FUT8: variants seen among roughly 807,000 people sequenced by gnomAD.
The protein encoded by FUT8 is alpha-(1,6)-fucosyltransferase.
In FUT8, 29 loss-of-function variants were observed where a neutral mutation model predicts 71.3. That is an observed-to-expected ratio of 0.41 (90% confidence interval 0.30 to 0.55). The LOEUF is 0.55. Ranked by LOEUF, FUT8 falls within the 20% of genes least tolerant of loss-of-function variation. FUT8 has a pLI of 0.34. For missense variants in FUT8, 544 were observed against 702.1 expected, an observed-to-expected ratio of 0.77 and a Z score of 2.55; for synonymous variants, 254 against 239.3, an observed-to-expected ratio of 1.06 and a Z score of -0.57.
chr14:65,613,990 C>T (rs376701439), intron 3 of FUT8, among the ~76,000 whole-genome samples: 11 of 151,736 alleles, frequency 7.2e-5, no homozygotes, highest in Admixed American at 5.3e-4. Flanking sequence ...GGTGCATTCC[C>T]GTAATCCCAT....
At chr14:65,632,732 C>G (rs1047387910) in intron 6 of FUT8, among the ~76,000 whole-genome samples, 3 of 152,224 alleles carry the variant, frequency 2.0e-5, no homozygotes, top group Non-Finnish European at 4.4e-5. Context: ...TACCTCTGAG[C>G]TATTTATCTT....
At chr14:65,506,198 A>G (rs1188650708) in intron 2 of FUT8, among the ~76,000 whole-genome samples, 1 of 152,242 alleles carries the variant, frequency 6.6e-6, no homozygotes, top group Non-Finnish European at 1.5e-5. Flanking sequence ...ATTAGACATT[A>G]TGTTTACCTT....
chr14:65,422,681 A>AT (rs957553970), intron 1 of FUT8, among the ~76,000 whole-genome samples: 15 of 151,506 alleles, frequency 9.9e-5, no homozygotes, highest in Admixed American at 2.6e-4. Flanking sequence ...AATATTTTTT[A>AT]TTTTTTTGTA....
intron 3 of FUT8, among the ~76,000 whole-genome samples, chr14:65,569,256 A>T (rs556693269): frequency 1.3e-5 from 2 of 151,794 alleles, no homozygotes; most frequent in Admixed American, 6.6e-5. Context: ...GTATTTTATC[A>T]ATTTTGGAAA....
the FUT8 span, among the ~76,000 whole-genome samples, chr14:65,361,496 A>T: frequency 6.1e-5 from 9 of 148,038 alleles, no homozygotes; most frequent in South Asian, 1.9e-3. Context: ...TTACATTAAA[A>T]ATAGACTATG....
chr14:65,439,878 G>T (rs1170365107), intron 1 of FUT8, among the ~76,000 whole-genome samples: 2 of 147,232 alleles, frequency 1.4e-5, no homozygotes, highest in African/African-American at 2.5e-5. Flanking sequence ...AGCATTATTT[G>T]CCATAGCTAA....
Position 65,669,470 on chromosome 14 carries a change from A to C in FUT8, c.825A>C (p.Gly275=). Reference sequence around the variant, plus strand: ...CAGACAGATCTGGCATCTCCACTGGACACTGGTCAGGTAAGGAGCTTGTGC... The same window carrying C: ...CAGACAGATCTGGCATCTCCACTGGCCACTGGTCAGGTAAGGAGCTTGTGC... ...TCTDRSGIST[G]HWSGEVKDKN... Residue 275 remains glycine, a synonymous_variant, in exon 7 of 11, where the codon GGA becomes GGC. Coordinates refer to ENST00000673929, the MANE Select transcript of FUT8 (RefSeq NM_001371533.1). This position sits in a 1 kb window ranked among gnomAD's most constrained non-coding sequence, Gnocchi z 4.5. 6.2e-7 allele frequency: 1 copy of C among 1,611,240 alleles called. No homozygotes were observed. Among genetic ancestry groups the C allele is most frequent in the Non-Finnish European group, 8.5e-7 (1 of 1,177,556 alleles).
At chr14:65,649,042 T>TC (rs1891240001) in intron 6 of FUT8, among the ~76,000 whole-genome samples, 2 of 152,260 alleles carry the variant, frequency 1.3e-5, no homozygotes, top group Admixed American at 1.3e-4. Flanking sequence ...TCCATGTATT[T>TC]TCCGTAGTTC....
At chr14:65,614,774 A>C (rs1889193337) in intron 3 of FUT8, among the ~76,000 whole-genome samples, 1 of 152,216 alleles carries the variant, frequency 6.6e-6, no homozygotes, top group Non-Finnish European at 1.5e-5. Flanking sequence ...TCCAATCTCA[A>C]AATCCTTAAT....
At chr14:65,735,700 C>T (rs896109767) in intron 10 of FUT8, among the ~76,000 whole-genome samples, 1 of 152,134 alleles carries the variant, frequency 6.6e-6, no homozygotes, top group African/African-American at 2.4e-5. Flanking sequence ...TGATTACCTC[C>T]TTATCATGTA....
intron 3 of FUT8, among the ~76,000 whole-genome samples, chr14:65,583,132 T>G (rs780095259): frequency 6.6e-6 from 1 of 152,218 alleles, no homozygotes; most frequent in Non-Finnish European, 1.5e-5. Flanking sequence ...TTTTACCACT[T>G]TGATCAAAGT....
At chr14:65,577,554 A>G (rs1292680068) in intron 3 of FUT8, among the ~76,000 whole-genome samples, 1 of 152,200 alleles carries the variant, frequency 6.6e-6, no homozygotes, top group Non-Finnish European at 1.5e-5. Flanking sequence ...TTTAGCTGCT[A>G]ATGGTAGCTG....
chr14:65,458,842 G>A (rs1327505357), intron 2 of FUT8, among the ~76,000 whole-genome samples: 1 of 145,950 alleles, frequency 6.9e-6, no homozygotes, highest in Non-Finnish European at 1.5e-5. Flanking sequence ...AGGCTGGAGT[G>A]CAGTGGCTCA....
chr14:65,439,954 G>GTGTGTGTGTATATATATATATATA, intron 1 of FUT8, among the ~76,000 whole-genome samples: 1 of 74,974 alleles, frequency 1.3e-5, no homozygotes, highest in South Asian at 5.9e-4. Flanking sequence ...GTGTGTGTGT[G>GTGTGTGTGTATATATATATATATA]TATATATATA....
At position 65,652,711 on chromosome 14, in the gene FUT8, G is replaced by A. The variant is rs755372138; in HGVS notation, c.598-16532G>A. 6.6e-6 allele frequency among the ~76,000 whole-genome samples: 1 copy of A among 152,016 alleles called. No individual in the cohort carries two copies. On this transcript the variant is annotated intron_variant, in intron 6 of 10. Coordinates refer to ENST00000673929, the MANE Select transcript of FUT8 (RefSeq NM_001371533.1). This position sits in a 1 kb window ranked among gnomAD's most constrained non-coding sequence, Gnocchi z 4.0. ...ACAAGCCAGGTGCCTGACACAATGG[G>A]GGTCAATATGTATTTATTGGATAAA... is the stretch of plus-strand genomic sequence containing the variant.
At chr14:65,549,415 G>A (rs1015481875) in intron 2 of FUT8, among the ~76,000 whole-genome samples, 2 of 150,886 alleles carry the variant, frequency 1.3e-5, no homozygotes, top group Non-Finnish European at 2.9e-5. Flanking sequence ...TACCATGTAT[G>A]GTTTACCCCC....
In FUT8 at chr14:65,607,235, T is replaced by C. The variant is rs1434407996; in HGVS notation, c.204-8743T>C. On this transcript the variant is annotated intron_variant, in intron 3 of 10. Coordinates refer to ENST00000673929, the MANE Select transcript of FUT8 (RefSeq NM_001371533.1). This position sits in a 1 kb window ranked among gnomAD's most constrained non-coding sequence, Gnocchi z 4.1. Reference sequence around the variant, plus strand: ...CTAAGGCCTTCAGTACAGTGATGAATAGAAGCATAGATGGCAGGCCTGTCT... The same window carrying C: ...CTAAGGCCTTCAGTACAGTGATGAACAGAAGCATAGATGGCAGGCCTGTCT... 2.0e-5 allele frequency among the ~76,000 whole-genome samples: 3 copies of C among 151,908 alleles called. No individual in the cohort carries two copies. The highest frequency in any genetic ancestry group is 6.6e-5 in the Admixed American group (1 of 15,210).
At chr14:65,558,900 T>G (rs1885748911) in intron 2 of FUT8, among the ~76,000 whole-genome samples, 1 of 152,134 alleles carries the variant, frequency 6.6e-6, no homozygotes, top group African/African-American at 2.4e-5. Context: ...AATGACCATG[T>G]TTTGCTCTTA....
the FUT8 span, among the ~76,000 whole-genome samples, chr14:65,402,852 A>C: frequency 6.6e-6 from 1 of 152,104 alleles, no homozygotes; most frequent in African/African-American, 2.4e-5. Context: ...AGTTAACCCC[A>C]CTTGACCTCT....
Sources: allele counts gnomAD v4.1 joint callset (sites outside exome capture counted in the v4.1 genomes callset), GRCh38; gene constraint gnomAD v4.1.1; non-coding constraint Gnocchi (gnomAD v3.1); transcripts MANE v1.5; gene names NCBI Gene and HGNC (gene_info 2026-07-23, HGNC 2026-07-21).